CWC27: variants seen among roughly 807,000 people sequenced by gnomAD.
CWC27 encodes CWC27 spliceosome associated cyclophilin, also known as spliceosome-associated protein CWC27 homolog.
Under a neutral mutation model 63.6 loss-of-function variants are expected in CWC27, and 47 were observed. The observed-to-expected ratio is 0.74, with a 90% CI of 0.58 to 0.94. The LOEUF (loss-of-function observed/expected upper bound fraction) is 0.94. Ranked by LOEUF, CWC27 falls within the 40% of genes least tolerant of loss-of-function variation. The pLI is 0.00. For missense variants in CWC27, 495 were observed against 554.3 expected (o/e 0.89, Z 1.07); for synonymous variants, 175 against 179.8 (o/e 0.97, Z 0.22).
intron 7 of CWC27, among the ~76,000 whole-genome samples, chr5:64,797,125 C>T (rs1268213347): frequency 6.6e-6 from 1 of 151,870 alleles, no homozygotes; most frequent in East Asian, 1.9e-4. Context: ...TTCTGTGAAG[C>T]CCCTAACACT....
chr5:64,856,492 G>C (rs1462866233), intron 10 of CWC27, among the ~76,000 whole-genome samples: 1 of 151,592 alleles, frequency 6.6e-6, no homozygotes, highest in Non-Finnish European at 1.5e-5. Flanking sequence ...GTGTGTATGT[G>C]TGTAGTTCCC....
At chr5:65,013,970 C>G (rs1030221923) in intron 13 of CWC27, among the ~76,000 whole-genome samples, 5 of 151,964 alleles carry the variant, frequency 3.3e-5, no homozygotes, top group Admixed American at 6.6e-5. Context: ...ATACAAATAG[C>G]TATTGTATCT....
chr5:64,856,486 G>GTGTGTGTA (rs1410153827), intron 10 of CWC27, among the ~76,000 whole-genome samples: 1 of 151,370 alleles, frequency 6.6e-6, no homozygotes, highest in East Asian at 1.9e-4. Flanking sequence ...GTGTGTGTGT[G>GTGTGTGTA]TATGTGTGTA....
intron 10 of CWC27, among the ~76,000 whole-genome samples, chr5:64,842,363 G>T (rs1025711133): frequency 4.6e-5 from 7 of 151,958 alleles, no homozygotes; most frequent in Non-Finnish European, 7.4e-5. Flanking sequence ...GAGTGCAGTG[G>T]CGTGGTCTCA....
chr5:64,844,380 AC>A (rs1745920343), intron 10 of CWC27, among the ~76,000 whole-genome samples: 1 of 152,074 alleles, frequency 6.6e-6, no homozygotes, highest in Non-Finnish European at 1.5e-5. Context: ...CTCATAGTTG[AC>A]CCCCAAAGCT....
chr5:64,780,195 T>A (rs534618474), intron 2 of CWC27, among the ~76,000 whole-genome samples: 1 of 152,196 alleles, frequency 6.6e-6, no homozygotes, highest in Non-Finnish European at 1.5e-5. Flanking sequence ...TCACTTAGCA[T>A]GTTTTTGAAG....
At position 64,774,772 on chromosome 5, in the gene CWC27, C is replaced by A; in HGVS notation, c.124C>A (p.Gln42Lys). ...EAPKACRNFI[Q>K]LCLEAYYDNT... ...TCCTAAAGCTTGCAGAAATTTTATC[C>A]AACTTTGTTTGGAAGGTATGTTGAC... Residue 42 changes from glutamine to lysine, a missense_variant, in exon 2 of 14, where the codon CAA (glutamine) becomes AAA (lysine). Gln to Lys is a moderately conservative substitution (Grantham distance 53, BLOSUM62 1). Coordinates refer to ENST00000381070, the MANE Select transcript of CWC27 (RefSeq NM_005869.4). The A allele has an allele frequency of 6.3e-7, 1 of 1,576,158 alleles. No individual in the cohort carries two copies. Among genetic ancestry groups the A allele is most frequent in the Non-Finnish European group, 8.6e-7 (1 of 1,162,328 alleles).
At chr5:64,932,597 T>G (rs1748260533) in intron 11 of CWC27, among the ~76,000 whole-genome samples, 1 of 152,170 alleles carries the variant, frequency 6.6e-6, no homozygotes, top group Non-Finnish European at 1.5e-5. Flanking sequence ...GTCTTTAAAA[T>G]GCCCAGCTAT....
chr5:64,889,484 G>A (rs954492082), intron 11 of CWC27, among the ~76,000 whole-genome samples: 1 of 152,008 alleles, frequency 6.6e-6, no homozygotes, highest in Non-Finnish European at 1.5e-5. Flanking sequence ...CCCAATTTTG[G>A]GTGAAGCTAA....
intron 10 of CWC27, among the ~76,000 whole-genome samples, chr5:64,875,899 A>G (rs181106344): frequency 1.3e-5 from 2 of 152,250 alleles, no homozygotes; most frequent in Non-Finnish European, 2.9e-5. Context: ...GTTTAGTACT[A>G]TCTTGGGCCA....
chr5:64,995,568 T>C (rs1326204696), intron 13 of CWC27, among the ~76,000 whole-genome samples: 2 of 152,288 alleles, frequency 1.3e-5, no homozygotes, highest in South Asian at 2.1e-4. Flanking sequence ...ATTGTTATCA[T>C]GTTTTTTTTT....
intron 10 of CWC27, among the ~76,000 whole-genome samples, chr5:64,861,159 T>G (rs1746403397): frequency 6.6e-6 from 1 of 152,158 alleles, no homozygotes; most frequent in Non-Finnish European, 1.5e-5. Context: ...TGTGCTACCT[T>G]TGGTTTTTTC....
chr5:64,840,399 ATATATATATATATATATATAT>A (rs1745797986), intron 10 of CWC27, among the ~76,000 whole-genome samples: 2 of 45,766 alleles, frequency 4.4e-5, no homozygotes, highest in Non-Finnish European at 4.0e-5. Context: ...AAAAAAATAT[ATATATATATATATATATATAT>A]ATATATATAT....
chr5:64,796,754 TCCC>T (rs1744282351), intron 7 of CWC27, among the ~76,000 whole-genome samples: 13 of 26,010 alleles, frequency 5.0e-4, no homozygotes, highest in Non-Finnish European at 1.0e-3. Context: ...CCTCCCTCCC[TCCC>T]TCCCTCCCTC....
chr5:64,780,242 C>CT (rs1410626734), intron 2 of CWC27, among the ~76,000 whole-genome samples: 5 of 151,832 alleles, frequency 3.3e-5, no homozygotes, highest in African/African-American at 1.2e-4. Flanking sequence ...TATTTCATTC[C>CT]TTTTTGTGAC....
chr5:64,815,230 T>C (rs12055247), intron 10 of CWC27, among the ~76,000 whole-genome samples: 53,482 of 151,936 alleles, frequency 0.35, 9,847 homozygotes, highest in East Asian at 0.51. Context: ...TCTCAGTGGC[T>C]TAAAAATCTC....
intron 11 of CWC27, among the ~76,000 whole-genome samples, chr5:64,922,726 G>A (rs531026876): frequency 7.4e-4 from 112 of 152,296 alleles, no homozygotes; most frequent in Non-Finnish European, 1.4e-3. Context: ...TCTTGCACTG[G>A]TTCTTTCTCA....
chr5:64,902,665 C>A (rs891072040), intron 11 of CWC27, among the ~76,000 whole-genome samples: 13 of 152,034 alleles, frequency 8.6e-5, no homozygotes, highest in African/African-American at 3.1e-4. Context: ...GTAAGTCCTC[C>A]CACATTTTTC....
chr5:64,795,336 A>G (rs541505708), intron 7 of CWC27, among the ~76,000 whole-genome samples: 3 of 152,208 alleles, frequency 2.0e-5, no homozygotes, highest in Non-Finnish European at 4.4e-5. Context: ...AGGTGTTAAC[A>G]TATTTTATTA....
Sources: gnomAD v4.1 joint callset for allele counts (sites outside exome capture counted in the v4.1 genomes callset) on GRCh38, gnomAD v4.1.1 for gene constraint, MANE v1.5 for transcripts, NCBI Gene and HGNC (gene_info 2026-07-23, HGNC 2026-07-21) for gene names.